The following TOM1L2 variants were observed in gnomAD, a reference collection of about 807,000 sequenced individuals.
TOM1L2 encodes the protein target of myb1 like 2 membrane trafficking protein, also known as TOM1-like protein 2.
A neutral mutation model predicts 67.9 loss-of-function variants in TOM1L2; 31 were observed. The observed-to-expected ratio is 0.46, with a 90% CI of 0.34 to 0.62. The LOEUF (loss-of-function observed/expected upper bound fraction) is 0.62, where lower values mean the gene tolerates loss of function less well. Among genes scored for constraint, TOM1L2 ranks in the 20% least tolerant of loss-of-function variants. The pLI is 0.01. For synonymous variants in TOM1L2, 256 were observed against 254.0 expected (o/e 1.01, Z -0.07); for missense variants, 606 against 663.5 (o/e 0.91, Z 0.95).
At chr17:17,900,177 T>A (rs1223680596) in intron 2 of TOM1L2, among the ~76,000 whole-genome samples, 1 of 151,400 alleles carries the variant, frequency 6.6e-6, no homozygotes, top group East Asian at 2.0e-4. Flanking sequence ...CACGCCATTG[T>A]ACTCCAGCCT....
At position 17,871,358 on chromosome 17, in the gene TOM1L2, G is replaced by A. The variant is rs145137404; in HGVS notation, c.778-1885C>T. On this transcript the variant is annotated intron_variant, in intron 7 of 14. Transcript: ENST00000379504. ...TGCACTCCAGACTGGGAGAGAGAGCGAGACTCCATCTCAAAAAAAAGTATT... is the reference window on the plus strand; with the variant it reads ...TGCACTCCAGACTGGGAGAGAGAGCAAGACTCCATCTCAAAAAAAAGTATT... Among the ~76,000 whole-genome samples the A allele has an allele frequency of 7.9e-5, 12 of 151,326 alleles. No homozygotes were observed. In the East Asian group the frequency reaches 1.9e-3, roughly 25 times the overall value.
chr17:17,903,351 C>T (rs999115381), intron 2 of TOM1L2, among the ~76,000 whole-genome samples: 21 of 152,246 alleles, frequency 1.4e-4, no homozygotes, highest in Middle Eastern at 3.4e-3. Flanking sequence ...TGGCTGGGCG[C>T]GGTGGCTCAC....
At chr17:17,873,761 T>C (rs1479491230) in intron 7 of TOM1L2, among the ~76,000 whole-genome samples, 1 of 152,130 alleles carries the variant, frequency 6.6e-6, no homozygotes, top group African/African-American at 2.4e-5. Flanking sequence ...TGCTTCTCCC[T>C]GGGTAAAATA....
At chr17:17,856,096 G>A (rs1169025558) in intron 12 of TOM1L2, among the ~76,000 whole-genome samples, 1 of 152,228 alleles carries the variant, frequency 6.6e-6, no homozygotes, top group African/African-American at 2.4e-5. Flanking sequence ...TGTGGGCAGA[G>A]ACAGGCACCA....
rs1282895229 is a variant in TOM1L2, at chr17:17,847,054, A to G, written c.*581T>C. ...GCTGAATGATGGAGAGAGGGTCAAG[A>G]AGGTGAGAGACCCCCACCATGGAGA... On this transcript the variant is annotated 3_prime_UTR_variant, in exon 15 of 15. Transcript: ENST00000379504. 6.5e-6 allele frequency: 1 copy of G among 153,394 alleles called. No individual in the cohort carries two copies. Among genetic ancestry groups the G allele is most frequent in the Non-Finnish European group, 1.5e-5 (1 of 68,866 alleles). 9.5% of individuals were successfully genotyped at this position (153,394 alleles called of 1,614,324 possible).
chr17:17,912,887 C>A (rs986540604), intron 1 of TOM1L2, among the ~76,000 whole-genome samples: 15 of 152,174 alleles, frequency 9.9e-5, no homozygotes, highest in Admixed American at 6.5e-5. Context: ...GCACTCCAGC[C>A]GGGGCACCAC....
chr17:17,932,827 T>C (rs1394004294), intron 1 of TOM1L2, among the ~76,000 whole-genome samples: 1 of 152,210 alleles, frequency 6.6e-6, no homozygotes, highest in African/African-American at 2.4e-5. Flanking sequence ...AAAATATAGC[T>C]ACATGAGTCC....
intron 12 of TOM1L2, 38 bp from the exon 13 acceptor site, chr17:17,850,990 C>T: frequency 6.2e-7 from 1 of 1,611,448 alleles, no homozygotes. Context: ...GCAGCCCCCA[C>T]ACAGCCAGCG....
chr17:17,882,689 C>G lies in TOM1L2; in HGVS notation c.660+16G>C, dbSNP rs759540134. On this transcript the variant is annotated intron_variant, in intron 6 of 14. Transcript: ENST00000379504. ...TAGTCAGCTGGCTTGCCTATGGCCC[C>G]GAAGTATGCAAGTACCTGTTCTGAA... 1 of 1,612,148 alleles carries G rather than the reference C, an allele frequency of 6.2e-7. No individual in the cohort carries two copies. The highest frequency in any genetic ancestry group is 1.7e-5 in the Admixed American group (1 of 59,976).
At chr17:17,878,634 G>A (rs906703109) in intron 7 of TOM1L2, among the ~76,000 whole-genome samples, 3 of 152,244 alleles carry the variant, frequency 2.0e-5, no homozygotes, top group African/African-American at 7.2e-5. Flanking sequence ...GACCAAGACT[G>A]ACAACGGAGG....
chr17:17,871,870 C>T (rs1456707115), intron 7 of TOM1L2: 14 of 683,750 alleles, frequency 2.0e-5, no homozygotes, highest in Admixed American at 6.3e-5. Flanking sequence ...TATAAACATA[C>T]AGACAAGTGC....
At position 17,879,636 on chromosome 17, in the gene TOM1L2, C is replaced by G. The variant is rs1162063872; in HGVS notation, c.768G>C (p.Glu256Asp). Residue 256 changes from glutamate to aspartate, a missense_variant, in exon 7 of 15, where the codon GAG becomes GAC. By Grantham distance (45) the Glu-to-Asp change is conservative. This residue lies in a region of TOM1L2 where 543 missense variants were observed against 554.0 expected (regional missense o/e 0.98). Coordinates refer to ENST00000379504, the MANE Select transcript of TOM1L2 (RefSeq NM_001082968.2). The part of the protein sequence containing the change: ...VPGQEDSSDL[E>D]LLQELNRTCR... ...CTGAAAGATGACTCACCTGCAGCAACTCCAGATCAGATGAATCCTCCTGTC... is the reference window on the plus strand; with the variant it reads ...CTGAAAGATGACTCACCTGCAGCAAGTCCAGATCAGATGAATCCTCCTGTC... 1 of 1,613,844 alleles carries G rather than the reference C, an allele frequency of 6.2e-7. No homozygotes were observed. Among genetic ancestry groups the G allele is most frequent in the Non-Finnish European group, 8.5e-7 (1 of 1,179,676 alleles).
chr17:17,877,538 C>T lies in TOM1L2; in HGVS notation c.777+2089G>A, dbSNP rs964624178. ...AGTGTGGCTCTGACCCTTGGGAGAC[C>T]CTGCCTGCTGGCTTTTGACTGCCAG... On this transcript the variant is annotated intron_variant, in intron 7 of 14. Coordinates refer to ENST00000379504, the MANE Select transcript of TOM1L2 (RefSeq NM_001082968.2). Among the ~76,000 whole-genome samples the T allele has an allele frequency of 2.0e-5, 3 of 152,088 alleles. No homozygotes were observed. The South Asian group carries it at 6.2e-4, about 32-fold the overall frequency.
At chr17:17,961,358 G>A (rs2041668710) in intron 1 of TOM1L2, among the ~76,000 whole-genome samples, 1 of 152,026 alleles carries the variant, frequency 6.6e-6, no homozygotes, top group African/African-American at 2.4e-5. Flanking sequence ...GAGAAGTCCA[G>A]GAGTTTAAGA....
intron 1 of TOM1L2, among the ~76,000 whole-genome samples, chr17:17,949,221 G>A (rs1222478504): frequency 6.6e-6 from 1 of 152,172 alleles, no homozygotes; most frequent in African/African-American, 2.4e-5. Flanking sequence ...CCCAGTGCTA[G>A]GTGATGTTCT....
intron 1 of TOM1L2, among the ~76,000 whole-genome samples, chr17:17,909,145 C>T (rs2039229203): frequency 2.0e-5 from 3 of 152,212 alleles, no homozygotes; most frequent in Non-Finnish European, 2.9e-5. Context: ...CATGTCACTG[C>T]ATTCCAACCC....
chr17:17,901,215 C>T (rs2038837646), intron 2 of TOM1L2, among the ~76,000 whole-genome samples: 1 of 152,170 alleles, frequency 6.6e-6, no homozygotes, highest in Admixed American at 6.5e-5. Context: ...GGATCAAAGT[C>T]ATGTCAAAGG....
intron 1 of TOM1L2, among the ~76,000 whole-genome samples, chr17:17,951,952 T>C (rs1598398366): frequency 2.6e-5 from 4 of 152,350 alleles, no homozygotes; most frequent in Admixed American, 2.6e-4. Context: ...GAGGGCAATT[T>C]GGCAGTCTCC....
intron 2 of TOM1L2, among the ~76,000 whole-genome samples, chr17:17,903,569 C>T (rs914475692): frequency 2.7e-5 from 4 of 149,922 alleles, no homozygotes; most frequent in Non-Finnish European, 4.4e-5. Context: ...GCCGAGATCG[C>T]GCCACTGCAC....
Sources: allele counts gnomAD v4.1 joint callset (sites outside exome capture counted in the v4.1 genomes callset), GRCh38; gene constraint gnomAD v4.1.1; regional missense constraint gnomAD v4.1.1; transcripts MANE v1.5; gene names NCBI Gene and HGNC (gene_info 2026-07-23, HGNC 2026-07-21).